Variants in PRKN observed in about 807,000 individuals in gnomAD.
PRKN encodes the protein E3 ubiquitin-protein ligase parkin.
PRKN carries 56 observed loss-of-function variants against 59.5 expected under a neutral mutation model. That is an observed-to-expected ratio of 0.94 (90% CI 0.76 to 1.18). The LOEUF (loss-of-function observed/expected upper bound fraction) is 1.18. PRKN is among the 50% of genes most tolerant of loss of function. PRKN has a pLI of 0.00. For missense variants in PRKN, 657 were observed against 596.4 expected (o/e 1.10, Z -1.06); for synonymous variants, 250 against 222.1 (o/e 1.13, Z -1.12).
intron 11 of PRKN, among the ~76,000 whole-genome samples, chr6:161,358,640 G>A (rs1367617690): frequency 2.0e-5 from 3 of 151,908 alleles, no homozygotes; most frequent in Non-Finnish European, 2.9e-5. Flanking sequence ...CCTTGTCAGC[G>A]AAATACCAGG....
At chr6:162,312,842 T>C (rs1782578770) in intron 2 of PRKN, among the ~76,000 whole-genome samples, 2 of 152,280 alleles carry the variant, frequency 1.3e-5, no homozygotes, top group South Asian at 2.1e-4. Context: ...CTAGAACTCC[T>C]GGAGTTTAGA....
At chr6:162,148,408 C>T (rs1332896888) in intron 4 of PRKN, among the ~76,000 whole-genome samples, 8 of 151,922 alleles carry the variant, frequency 5.3e-5, no homozygotes, top group African/African-American at 1.9e-4. Context: ...ACATGGGGAC[C>T]ATTCTGTCAC....
At chr6:161,505,257 G>A (rs1778117518) in intron 9 of PRKN, among the ~76,000 whole-genome samples, 1 of 152,054 alleles carries the variant, frequency 6.6e-6, no homozygotes, top group Admixed American at 6.5e-5. Flanking sequence ...GTTTTGATTT[G>A]CATTTCTCTG....
rs542107780 is a variant in PRKN at position 161,502,135 on chromosome 6, C to T, written c.1083+46719G>A. Among the ~76,000 whole-genome samples, 6 of 152,226 alleles carry T rather than the reference C, an allele frequency of 3.9e-5. No homozygotes were observed. Among genetic ancestry groups the T allele is most frequent in the African/African-American group, 1.4e-4 (6 of 41,528 alleles). On this transcript the variant is annotated intron_variant, in intron 9 of 11. Coordinates refer to ENST00000366898, the MANE Select transcript of PRKN (RefSeq NM_004562.3). The surrounding 1 kb of genome is among the most constrained non-coding windows in gnomAD (Gnocchi z 4.0). The stretch of plus-strand genomic sequence containing the variant: ...GATCACATGAAGCAACTCTGAAATG[C>T]ATTATCCTGATCATCATTGTTGCTA...
chr6:162,289,362 T>A (rs1781327238), intron 2 of PRKN, among the ~76,000 whole-genome samples: 1 of 152,164 alleles, frequency 6.6e-6, no homozygotes, highest in African/African-American at 2.4e-5. Flanking sequence ...TGTAAAGACC[T>A]GATCTCTCCA....
At chr6:161,424,775 A>T (rs1291112179) in intron 9 of PRKN, among the ~76,000 whole-genome samples, 1 of 152,166 alleles carries the variant, frequency 6.6e-6, no homozygotes, top group African/African-American at 2.4e-5. Context: ...CAAAGTATCA[A>T]AGGAATTAAC....
At chr6:161,867,785 G>A (rs1016365876) in intron 6 of PRKN, among the ~76,000 whole-genome samples, 1 of 43,880 alleles carries the variant, frequency 2.3e-5, no homozygotes, top group Non-Finnish European at 5.1e-5. Flanking sequence ...TTTTGAGACA[G>A]AGTCTCACTC....
Position 161,562,735 on chromosome 6 carries a change from C to G in PRKN, c.933+6620G>C, listed in dbSNP as rs1158042751. ...TTCAAACTCCTTCCTTTCCCTGACC[C>G]ACAGCCAGTCAGTCACCAAGTCCTT... On this transcript the variant is annotated intron_variant, in intron 8 of 11. Coordinates refer to ENST00000366898, the MANE Select transcript of PRKN (RefSeq NM_004562.3). The surrounding 1 kb of genome is among the most constrained non-coding windows in gnomAD (Gnocchi z 4.3). Among the ~76,000 whole-genome samples, 1 of 152,168 alleles carries G rather than the reference C, an allele frequency of 6.6e-6. No individual in the cohort carries two copies. The highest frequency in any genetic ancestry group is 2.1e-4 in the South Asian group (1 of 4,824).
At chr6:161,859,689 T>C (rs1451049608) in intron 6 of PRKN, among the ~76,000 whole-genome samples, 2 of 152,050 alleles carry the variant, frequency 1.3e-5, no homozygotes, top group African/African-American at 4.8e-5. Flanking sequence ...TCCTGCTTCT[T>C]AACTGTTGGT....
chr6:162,340,000 C>G (rs943555375), intron 2 of PRKN, among the ~76,000 whole-genome samples: 37 of 147,350 alleles, frequency 2.5e-4, no homozygotes, highest in African/African-American at 9.4e-4. Context: ...ACAAACACTG[C>G]GGAAGGCCGC....
intron 7 of PRKN, among the ~76,000 whole-genome samples, chr6:161,781,521 G>A (rs968985070): frequency 7.2e-5 from 11 of 152,148 alleles, no homozygotes; most frequent in Non-Finnish European, 2.9e-5. Context: ...ATATTTAGTA[G>A]AATCCATATA....
chr6:161,679,955 C>T (rs1241523010), intron 7 of PRKN, among the ~76,000 whole-genome samples: 4 of 151,622 alleles, frequency 2.6e-5, no homozygotes, highest in South Asian at 2.1e-4. Context: ...GGGGTTTCAC[C>T]GTGTTAGCCA....
At chr6:161,815,958 G>C (rs1791762046) in intron 6 of PRKN, among the ~76,000 whole-genome samples, 2 of 152,190 alleles carry the variant, frequency 1.3e-5, no homozygotes, top group Admixed American at 1.3e-4. Context: ...TTAAAAAGGT[G>C]AACATGTATC....
At chr6:162,700,305 A>G (rs1778107745) in intron 1 of PRKN, among the ~76,000 whole-genome samples, 1 of 152,208 alleles carries the variant, frequency 6.6e-6, no homozygotes, top group Non-Finnish European at 1.5e-5. Context: ...CATACCATTA[A>G]TAAATATGAG....
chr6:161,727,990 C>T (rs191043187), intron 7 of PRKN, among the ~76,000 whole-genome samples: 147 of 152,210 alleles, frequency 9.7e-4, no homozygotes, highest in African/African-American at 3.4e-3. Flanking sequence ...TAATTGAGAA[C>T]TGGGGCCTCT....
At chr6:162,359,077 A>ATATATATATAT (rs61153926) in intron 2 of PRKN, among the ~76,000 whole-genome samples, 1 of 96,198 alleles carries the variant, frequency 1.0e-5, no homozygotes. Flanking sequence ...AAAAAAAAAA[A>ATATATATATAT]AAATATATAT....
chr6:161,888,764 A>G (rs1375477838), intron 6 of PRKN, among the ~76,000 whole-genome samples: 1 of 152,000 alleles, frequency 6.6e-6, no homozygotes, highest in East Asian at 1.9e-4. Flanking sequence ...TTTCAACTCT[A>G]CTAGAACCTT....
At chr6:162,309,607 A>T (rs1052618801) in intron 2 of PRKN, among the ~76,000 whole-genome samples, 3 of 149,620 alleles carry the variant, frequency 2.0e-5, no homozygotes, top group Non-Finnish European at 4.4e-5. Context: ...GCAGATCAGC[A>T]AAAATCTTTC....
chr6:161,961,476 G>T (rs1414417651), intron 6 of PRKN, among the ~76,000 whole-genome samples: 1 of 152,146 alleles, frequency 6.6e-6, no homozygotes, highest in Admixed American at 6.6e-5. Flanking sequence ...TCAAAGTTCT[G>T]TCTTGGCCAA....
Sources: allele counts gnomAD v4.1 joint callset (sites outside exome capture counted in the v4.1 genomes callset), GRCh38; gene constraint gnomAD v4.1.1; non-coding constraint Gnocchi (gnomAD v3.1); transcripts MANE v1.5; gene names NCBI Gene and HGNC (gene_info 2026-07-23, HGNC 2026-07-21).